The following SMIM35 variants were observed in gnomAD, a reference collection of about 807,000 sequenced individuals.
The protein encoded by SMIM35 is small integral membrane protein 35.
At chr11:118,077,726 T>C (rs1353671371) in intron 1 of SMIM35, among the ~76,000 whole-genome samples, 1 of 152,132 alleles carries the variant, frequency 6.6e-6, no homozygotes, top group East Asian at 1.9e-4. Flanking sequence ...TAAAGAAAAG[T>C]GTAGACTGGG....
intron 1 of SMIM35, among the ~76,000 whole-genome samples, chr11:118,042,024 C>G (rs1944010240): frequency 7.0e-6 from 1 of 143,626 alleles, no homozygotes; most frequent in African/African-American, 2.6e-5. Context: ...GCTCTCCAGC[C>G]TGGGCAACAG....
At chr11:118,053,132 C>T (rs543599827) in intron 1 of SMIM35, among the ~76,000 whole-genome samples, 1 of 152,224 alleles carries the variant, frequency 6.6e-6, no homozygotes, top group South Asian at 2.1e-4. Flanking sequence ...ATGGTGAAAC[C>T]CCCATCTCGA....
chr11:118,021,862 AC>A (rs1258672919), intron 1 of SMIM35, among the ~76,000 whole-genome samples: 1 of 152,206 alleles, frequency 6.6e-6, no homozygotes, highest in Non-Finnish European at 1.5e-5. Flanking sequence ...AATTGATAGA[AC>A]AGGAAATCAG....
chr11:118,036,538 C>A (rs1047096949), intron 1 of SMIM35, among the ~76,000 whole-genome samples: 1 of 152,334 alleles, frequency 6.6e-6, no homozygotes, highest in East Asian at 1.9e-4. Flanking sequence ...TGATTGGTAA[C>A]GTGCTGCCAG....
chr11:118,057,391 G>A (rs534084704), intron 1 of SMIM35, among the ~76,000 whole-genome samples: 6 of 152,282 alleles, frequency 3.9e-5, no homozygotes, highest in African/African-American at 1.4e-4. Flanking sequence ...GAGCATTGGG[G>A]GAGGGGAGTC....
At position 118,015,781 on chromosome 11, in the gene SMIM35, C is replaced by T. The variant is rs905980741; in HGVS notation, c.36G>A (p.Leu12=). 2.0e-5 allele frequency: 8 copies of T among 399,346 alleles called. No homozygotes were observed. The highest frequency in any genetic ancestry group is 1.6e-4 in the African/African-American group (8 of 48,626). The allele number at this position is 399,346 out of a possible 1,614,324, so 24.7% of individuals were successfully genotyped here. The part of the protein sequence containing the change: ...TGEDSISTLG[L]ILGVGLLLLL... ...GCAGCAAGAGCCCCACGCCAAGGAT[C>T]AGGCCCAAGGTGCTGATGGAGTCCT... The change falls in exon 2 of 5, where the codon CTG becomes CTA. Residue 12 remains leucine, a synonymous_variant. Transcript: ENST00000689828.
intron 1 of SMIM35, among the ~76,000 whole-genome samples, chr11:118,046,037 A>G (rs1226714476): frequency 6.6e-6 from 1 of 152,222 alleles, no homozygotes; most frequent in Non-Finnish European, 1.5e-5. Flanking sequence ...GACACATGGT[A>G]GATATTCAAT....
intron 1 of SMIM35, among the ~76,000 whole-genome samples, chr11:118,081,446 G>A (rs556654279): frequency 6.6e-6 from 1 of 152,354 alleles, no homozygotes; most frequent in East Asian, 1.9e-4. Flanking sequence ...GTGTAAACAA[G>A]ATGGAAAACC....
chr11:118,082,554 C>T (rs1380369778), intron 1 of SMIM35, among the ~76,000 whole-genome samples: 2 of 122,074 alleles, frequency 1.6e-5, no homozygotes, highest in East Asian at 2.6e-4. Flanking sequence ...GAGTGAGACT[C>T]GGTCTCAAAA....
At chr11:118,019,164 A>G (rs916638110) in intron 1 of SMIM35, among the ~76,000 whole-genome samples, 1 of 152,148 alleles carries the variant, frequency 6.6e-6, no homozygotes, top group Non-Finnish European at 1.5e-5. Flanking sequence ...ATGTTTTCAA[A>G]CTTTATGAAA....
chr11:118,026,032 C>T (rs1328320865), intron 1 of SMIM35, among the ~76,000 whole-genome samples: 1 of 152,172 alleles, frequency 6.6e-6, no homozygotes, highest in Non-Finnish European at 1.5e-5. Flanking sequence ...TATCCCAGCA[C>T]CATTTTTTGA....
chr11:118,045,330 G>GCACGCACACACA (rs1555073987), intron 1 of SMIM35, among the ~76,000 whole-genome samples: 1 of 146,014 alleles, frequency 6.8e-6, no homozygotes, highest in Non-Finnish European at 1.5e-5. Context: ...ATACACACAT[G>GCACGCACACACA]CACACACACA....
At chr11:118,063,870 T>C (rs1944429396) in intron 1 of SMIM35, among the ~76,000 whole-genome samples, 1 of 152,254 alleles carries the variant, frequency 6.6e-6, no homozygotes, top group African/African-American at 2.4e-5. Context: ...GTATCTCTTC[T>C]TCTGTATCAT....
At chr11:118,026,766 G>A (rs2058277293) in intron 1 of SMIM35, among the ~76,000 whole-genome samples, 2 of 152,076 alleles carry the variant, frequency 1.3e-5, no homozygotes, top group African/African-American at 4.8e-5. Context: ...CCAGGAATTT[G>A]AGACCAGCCT....
intron 1 of SMIM35, among the ~76,000 whole-genome samples, chr11:118,079,306 C>T (rs544480013): frequency 7.1e-4 from 108 of 152,302 alleles, no homozygotes; most frequent in Admixed American, 6.9e-3. Context: ...CCTTCCCTTC[C>T]CTTCCATTCC....
At chr11:118,010,851 C>T (rs979789264) in intron 4 of SMIM35, among the ~76,000 whole-genome samples, 3 of 152,198 alleles carry the variant, frequency 2.0e-5, no homozygotes, top group Admixed American at 1.3e-4. Flanking sequence ...GAAAGAAGAA[C>T]CGTAAAAAGG....
chr11:118,044,643 G>A (rs993115427), intron 1 of SMIM35, among the ~76,000 whole-genome samples: 4 of 151,634 alleles, frequency 2.6e-5, no homozygotes, highest in East Asian at 1.9e-4. Flanking sequence ...GCGTGGTGGC[G>A]GGCACCTGTA....
At chr11:118,020,867 T>C (rs7944374) in intron 1 of SMIM35, among the ~76,000 whole-genome samples, 14,587 of 152,202 alleles carry the variant, frequency 0.096, 977 homozygotes, top group East Asian at 0.37. Flanking sequence ...TACCTTGATA[T>C]ATGTATTTGA....
At chr11:118,041,556 C>T (rs1410604984) in intron 1 of SMIM35, among the ~76,000 whole-genome samples, 3 of 152,164 alleles carry the variant, frequency 2.0e-5, no homozygotes, top group Non-Finnish European at 2.9e-5. Context: ...TAAATACGAC[C>T]TATAACCAAT....
Sources: gnomAD v4.1 joint callset for allele counts (sites outside exome capture counted in the v4.1 genomes callset) on GRCh38, gnomAD v4.1.1 for gene constraint, MANE v1.5 for transcripts, NCBI Gene and HGNC (gene_info 2026-07-23, HGNC 2026-07-21) for gene names.